NPAS3: variants seen among roughly 807,000 people sequenced by gnomAD.
NPAS3 encodes the protein neuronal PAS domain protein 3.
NPAS3 carries 14 observed loss-of-function variants against 73.1 expected under a neutral mutation model. The ratio of observed to expected loss-of-function variants is 0.19; its 90% CI spans 0.13 to 0.30. The LOEUF is 0.30. Ranked by LOEUF, NPAS3 falls within the 10% of genes least tolerant of loss-of-function variation. The pLI, the probability that NPAS3 is intolerant of heterozygous loss-of-function variation, is 1.00. For missense variants in NPAS3, 1,096 were observed against 1,250.0 expected (o/e 0.88, Z 1.86); for synonymous variants, 620 against 541.5 (o/e 1.14, Z -2.01).
At chr14:33,614,573 C>T (rs1004081315) in intron 5 of NPAS3, among the ~76,000 whole-genome samples, 2 of 152,146 alleles carry the variant, frequency 1.3e-5, no homozygotes, top group African/African-American at 4.8e-5. Context: ...CAGCCTCGTT[C>T]AAAAACCATA....
chr14:33,619,989 G>A (rs960252432), intron 5 of NPAS3, among the ~76,000 whole-genome samples: 1 of 152,088 alleles, frequency 6.6e-6, no homozygotes, highest in African/African-American at 2.4e-5. Context: ...CATTTTCTGA[G>A]AGCATTCAGA....
intron 1 of NPAS3, among the ~76,000 whole-genome samples, chr14:32,946,360 A>ATG (rs2036259649): frequency 6.6e-6 from 1 of 151,004 alleles, no homozygotes; most frequent in African/African-American, 2.4e-5. Flanking sequence ...ACACACACAC[A>ATG]CACACACACA....
chr14:33,557,846 G>A (rs184610543), intron 4 of NPAS3, among the ~76,000 whole-genome samples: 35 of 152,322 alleles, frequency 2.3e-4, no homozygotes, highest in African/African-American at 7.7e-4. Flanking sequence ...GCGGGTGCCC[G>A]TAGTCCCAGC....
chr14:33,236,456 A>G (rs909368011), intron 3 of NPAS3, among the ~76,000 whole-genome samples: 8 of 152,168 alleles, frequency 5.3e-5, no homozygotes, highest in African/African-American at 1.9e-4. Context: ...GGAGAAATAG[A>G]AGATGCATTT....
chr14:33,644,766 T>TA (rs1326169105), intron 5 of NPAS3, among the ~76,000 whole-genome samples: 1 of 151,910 alleles, frequency 6.6e-6, no homozygotes, highest in Non-Finnish European at 1.5e-5. Flanking sequence ...ATGTTTTCTT[T>TA]AAAAAAAGAA....
intron 5 of NPAS3, among the ~76,000 whole-genome samples, chr14:33,564,232 C>T (rs779496089): frequency 4.6e-5 from 7 of 152,112 alleles, no homozygotes; most frequent in African/African-American, 7.2e-5. Flanking sequence ...TAACCATGAG[C>T]TTCATGGTAA....
chr14:32,935,920 G>A (rs200469281), upstream of NPAS3, among the ~76,000 whole-genome samples: 4 of 152,130 alleles, frequency 2.6e-5, no homozygotes, highest in East Asian at 7.7e-4. Flanking sequence ...GTGGGGCTTG[G>A]TTTTATAAAA....
intron 2 of NPAS3, among the ~76,000 whole-genome samples, chr14:33,072,124 C>A (rs1168344072): frequency 6.6e-6 from 1 of 152,180 alleles, no homozygotes; most frequent in Non-Finnish European, 1.5e-5. Flanking sequence ...CTCCTGATCT[C>A]AGGTGATCCG....
intron 5 of NPAS3, among the ~76,000 whole-genome samples, chr14:33,584,888 AC>A (rs2056808277): frequency 1.3e-5 from 2 of 152,158 alleles, no homozygotes; most frequent in African/African-American, 2.4e-5. Flanking sequence ...AATAAGGCGC[AC>A]CCTGAGGGTG....
intron 6 of NPAS3, among the ~76,000 whole-genome samples, chr14:33,702,113 ACT>A (rs2060539285): frequency 6.6e-6 from 1 of 152,166 alleles, no homozygotes; most frequent in South Asian, 2.1e-4. Flanking sequence ...TTCAGAAGTA[ACT>A]CTCTAGAGAG....
At chr14:33,071,320 A>G (rs2041477159) in intron 2 of NPAS3, among the ~76,000 whole-genome samples, 1 of 152,244 alleles carries the variant, frequency 6.6e-6, no homozygotes, top group Non-Finnish European at 1.5e-5. Flanking sequence ...TTACATGGTC[A>G]TAAAAAGGCA....
chr14:33,262,127 G>T (rs2048996954), intron 3 of NPAS3, among the ~76,000 whole-genome samples: 1 of 152,116 alleles, frequency 6.6e-6, no homozygotes, highest in Admixed American at 6.6e-5. Context: ...AAGTTGAAGG[G>T]AGGCAGCATT....
intron 1 of NPAS3, among the ~76,000 whole-genome samples, chr14:33,048,891 A>G (rs151127275): frequency 6.2e-4 from 94 of 152,342 alleles, no homozygotes; most frequent in African/African-American, 2.2e-3. Context: ...AGCATTCAGC[A>G]TGAAGGAAGA....
At chr14:32,948,529 C>G (rs12891796) in intron 1 of NPAS3, among the ~76,000 whole-genome samples, 42,628 of 151,968 alleles carry the variant, frequency 0.28, 6,281 homozygotes, top group African/African-American at 0.33. Context: ...CTTTGCTTCT[C>G]TCTTTCTGTC....
At chr14:33,158,585 G>GT (rs2044733165) in intron 2 of NPAS3, among the ~76,000 whole-genome samples, 2 of 152,152 alleles carry the variant, frequency 1.3e-5, no homozygotes, top group Non-Finnish European at 2.9e-5. Flanking sequence ...ATAATTGGGA[G>GT]TTCTAAGGTA....
chr14:33,301,453 A>T (rs1038049078), intron 3 of NPAS3, among the ~76,000 whole-genome samples: 17 of 151,770 alleles, frequency 1.1e-4, no homozygotes, highest in Non-Finnish European at 2.1e-4. Flanking sequence ...CAAGAAAAAG[A>T]AAGTTTGTAA....
At chr14:33,799,742 G>A (rs1405144358) in exon 12 of NPAS3, 9 of 1,566,458 alleles carry the variant, frequency 5.7e-6, no homozygotes, top group Admixed American at 5.7e-5. Context: ...AGAGGACAAC[G>A]AGAACTCCAA....
At chr14:33,497,164 GA>G (rs1170476424) in intron 4 of NPAS3, among the ~76,000 whole-genome samples, 1 of 152,086 alleles carries the variant, frequency 6.6e-6, no homozygotes, top group East Asian at 1.9e-4. Flanking sequence ...CCTCTTCAAG[GA>G]GAACTACAAA....
chr14:33,500,588 G>A lies in NPAS3; in HGVS notation c.469-59533G>A, dbSNP rs566780890. Among the ~76,000 whole-genome samples the A allele has an allele frequency of 1.1e-4, 17 of 151,982 alleles. 2 individuals are homozygous for A. In the South Asian group the frequency reaches 3.5e-3, roughly 32 times the overall value. The stretch of plus-strand genomic sequence containing the variant: ...TCCATCAAGAAAAGAGTTACCAGAG[G>A]AGAATACGGCCTCATTCACAGAAAT... On this transcript the variant is annotated intron_variant, in intron 4 of 11. Coordinates refer to ENST00000356141, the Ensembl canonical transcript of NPAS3.
Sources: gnomAD v4.1 joint callset for allele counts (sites outside exome capture counted in the v4.1 genomes callset) on GRCh38, gnomAD v4.1.1 for gene constraint, MANE v1.5 for transcripts, NCBI Gene and HGNC (gene_info 2026-07-23, HGNC 2026-07-21) for gene names.